The following MRPS27 variants were observed in gnomAD, a reference collection of about 807,000 sequenced individuals.
The protein encoded by MRPS27 is mitochondrial ribosomal protein S27, also known as small ribosomal subunit protein mS27.
In MRPS27, 43 loss-of-function variants were observed where a neutral mutation model predicts 48.9. The observed-to-expected ratio is 0.88, with a 90% CI of 0.69 to 1.13. The LOEUF (loss-of-function observed/expected upper bound fraction) is 1.13, where lower values mean the gene tolerates loss of function less well. Among genes scored for constraint, MRPS27 ranks in the 50% most tolerant of loss-of-function variants. The probability of loss-of-function intolerance (pLI) is 0.00; values close to 1 mark genes in which losing one functional copy is unlikely to be tolerated. For synonymous variants in MRPS27, 188 were observed against 171.9 expected (o/e 1.09, Z -0.73); for missense variants, 467 against 476.3 (o/e 0.98, Z 0.18).
chr5:72,279,908 T>C (rs1163902066), intron 4 of MRPS27, among the ~76,000 whole-genome samples: 2 of 152,220 alleles, frequency 1.3e-5, no homozygotes, highest in Non-Finnish European at 2.9e-5. Flanking sequence ...AGTATGTTCA[T>C]ATATTTTGAA....
At chr5:72,293,856 T>C (rs1049351832) in intron 4 of MRPS27, among the ~76,000 whole-genome samples, 7 of 152,192 alleles carry the variant, frequency 4.6e-5, no homozygotes, top group African/African-American at 1.7e-4. Context: ...AATAAAAATA[T>C]GAGAACTGGC....
chr5:72,258,266 G>A (rs1049936698), intron 4 of MRPS27, among the ~76,000 whole-genome samples: 10 of 152,200 alleles, frequency 6.6e-5, no homozygotes, highest in Middle Eastern at 3.4e-3. Context: ...CTGTTCCAAC[G>A]TGCACTAACA....
At chr5:72,227,985 C>A in intron 8 of MRPS27, 1 of 442,358 alleles carries the variant, frequency 2.3e-6, no homozygotes, top group African/African-American at 2.0e-5. Context: ...GCCAGAACAT[C>A]CCTTTCTTTA....
rs1224734222 is a variant in MRPS27 at position 72,220,993 on chromosome 5, T to G, written c.1161A>C (p.Val387=). 1.2e-6 allele frequency: 2 copies of G among 1,614,082 alleles called. No homozygotes were observed. The highest frequency in any genetic ancestry group is 1.3e-5 in the African/African-American group (1 of 74,928). Residue 387 remains valine (V), a synonymous_variant, in exon 11 of 11, where the codon GTA becomes GTC. Coordinates refer to ENST00000261413, the MANE Select transcript of MRPS27 (RefSeq NM_015084.3). ...GTTGCTGTTCTCTCTGGATCAACTGTACAAGGTCTAGATGCCACTGCTGCA... is the reference window on the plus strand; with the variant it reads ...GTTGCTGTTCTCTCTGGATCAACTGGACAAGGTCTAGATGCCACTGCTGCA... ...QNLQQWHLDL[V]QLIQREQQQR...
intron 4 of MRPS27, among the ~76,000 whole-genome samples, chr5:72,261,756 T>C (rs1199568352): frequency 6.6e-6 from 1 of 152,232 alleles, no homozygotes; most frequent in African/African-American, 2.4e-5. Flanking sequence ...GAAGTCATCA[T>C]TATCCATAAC....
intron 2 of MRPS27, among the ~76,000 whole-genome samples, chr5:72,306,992 T>C (rs543591374): frequency 5.9e-5 from 9 of 152,240 alleles, no homozygotes; most frequent in South Asian, 4.2e-4. Flanking sequence ...TAGCAACCAA[T>C]TGTATTATAC....
intron 4 of MRPS27, among the ~76,000 whole-genome samples, chr5:72,267,074 A>T (rs1317415899): frequency 1.3e-5 from 2 of 152,178 alleles, no homozygotes; most frequent in Non-Finnish European, 2.9e-5. Flanking sequence ...GTATGAGGTG[A>T]GTGATTCCTA....
chr5:72,289,694 A>G (rs919399364), intron 4 of MRPS27, among the ~76,000 whole-genome samples: 2 of 152,164 alleles, frequency 1.3e-5, no homozygotes, highest in South Asian at 2.1e-4. Flanking sequence ...GATTACAGGC[A>G]TGAGCCGCTG....
At chr5:72,252,758 AATGAAAAC>A (rs1239352450) in intron 4 of MRPS27, among the ~76,000 whole-genome samples, 2 of 152,142 alleles carry the variant, frequency 1.3e-5, no homozygotes, top group Non-Finnish European at 2.9e-5. Flanking sequence ...GGAATGTAGA[AATGAAAAC>A]AACATGTTCT....
chr5:72,319,244 C>T (rs1297312823), intron 1 of MRPS27, among the ~76,000 whole-genome samples: 4 of 152,208 alleles, frequency 2.6e-5, no homozygotes, highest in African/African-American at 9.7e-5. Flanking sequence ...ATCAGATCCA[C>T]TATGCAGGCT....
chr5:72,226,106 A>G lies in MRPS27; in HGVS notation c.788T>C (p.Met263Thr), dbSNP rs1163021999. The change falls in exon 9 of 11, where the codon ATG (methionine) becomes ACG (threonine). Residue 263 changes from methionine to threonine, a missense_variant. By Grantham distance (81) the Met-to-Thr change is moderately conservative. Coordinates refer to ENST00000261413, the MANE Select transcript of MRPS27 (RefSeq NM_015084.3). ...TTCTGGGGAGGCAGCCACTTTCTCC[A>G]TCACTTGAAGGGCTCTGTCAAGGTA... ...PGYLDRALQVMEKVAASPEDI... is the reference protein window; with the variant it reads ...PGYLDRALQVTEKVAASPEDI... The G allele has an allele frequency of 1.2e-6, 2 of 1,613,810 alleles. No individual in the cohort carries two copies. Among genetic ancestry groups the G allele is most frequent in the South Asian group, 1.1e-5 (1 of 91,060 alleles).
At chr5:72,308,198 C>A (rs1750330422) in intron 2 of MRPS27, among the ~76,000 whole-genome samples, 1 of 152,172 alleles carries the variant, frequency 6.6e-6, no homozygotes, top group African/African-American at 2.4e-5. Flanking sequence ...AGCTCTCTGG[C>A]ACAATCAGCC....
chr5:72,235,096 C>A (rs1748165805), intron 5 of MRPS27, among the ~76,000 whole-genome samples: 1 of 152,024 alleles, frequency 6.6e-6, no homozygotes, highest in African/African-American at 2.4e-5. Context: ...TCACTGTTTC[C>A]AGGTGTTATA....
intron 3 of MRPS27, among the ~76,000 whole-genome samples, chr5:72,296,895 T>C (rs1268294230): frequency 6.6e-6 from 1 of 152,228 alleles, no homozygotes; most frequent in Non-Finnish European, 1.5e-5. Context: ...GTACCCATGC[T>C]GAAAATGAGA....
intron 4 of MRPS27, among the ~76,000 whole-genome samples, chr5:72,238,487 C>T (rs1408831074): frequency 2.0e-5 from 3 of 152,100 alleles, no homozygotes; most frequent in African/African-American, 7.2e-5. Flanking sequence ...TAAGCTGAAA[C>T]TTTGGAAGTT....
At chr5:72,295,637 A>G in intron 3 of MRPS27, 48 bp from the exon 4 acceptor site, 1 of 1,471,900 alleles carries the variant, frequency 6.8e-7, no homozygotes, top group Non-Finnish European at 9.5e-7. Context: ...ATTATGTCAT[A>G]TATTTGGCCT....
intron 10 of MRPS27, among the ~76,000 whole-genome samples, chr5:72,221,654 CCATA>C (rs1244090477): frequency 1.3e-5 from 2 of 152,212 alleles, no homozygotes; most frequent in African/African-American, 4.8e-5. Flanking sequence ...GCAAGCCCAA[CCATA>C]CATGTGCCTT....
At chr5:72,234,096 T>C (rs764414034) in intron 6 of MRPS27, 23 bp downstream of exon 6, 3 of 1,483,342 alleles carry the variant, frequency 2.0e-6, no homozygotes, top group Non-Finnish European at 2.7e-6. Flanking sequence ...CTATAAACAC[T>C]GAATCTGGGG....
At chr5:72,241,333 G>A in intron 4 of MRPS27, 1 of 355,410 alleles carries the variant, frequency 2.8e-6, no homozygotes. Flanking sequence ...ATAAACTGAG[G>A]AAAAGCAGTG....
Sources: gnomAD v4.1 joint callset for allele counts (sites outside exome capture counted in the v4.1 genomes callset) on GRCh38, gnomAD v4.1.1 for gene constraint, MANE v1.5 for transcripts, NCBI Gene and HGNC (gene_info 2026-07-23, HGNC 2026-07-21) for gene names.